The following COL21A1 variants were observed in gnomAD, a reference collection of about 807,000 sequenced individuals.
COL21A1 encodes the protein collagen alpha-1(XXI) chain.
A neutral mutation model predicts 137.9 loss-of-function variants in COL21A1; 149 were observed. That is an observed-to-expected ratio of 1.08 (90% CI 0.95 to 1.24). COL21A1 has a LOEUF of 1.24. COL21A1 is among the 50% of genes most tolerant of loss of function. The pLI is 0.00. For synonymous variants in COL21A1, 456 were observed against 391.5 expected (o/e 1.16, Z -1.95); for missense variants, 1,167 against 1,158.4 (o/e 1.01, Z -0.11).
chr6:56,233,296 A>G (rs1055857587), intron 1 of COL21A1, among the ~76,000 whole-genome samples: 7 of 151,928 alleles, frequency 4.6e-5, no homozygotes, highest in African/African-American at 1.7e-4. Context: ...TAGGCAACAA[A>G]TAAGAGTGAA....
At chr6:56,322,434 A>G (rs9475673) in intron 1 of COL21A1, among the ~76,000 whole-genome samples, 150,071 of 152,226 alleles carry the variant, frequency 0.99, 74,004 homozygotes, top group Middle Eastern at 1. Flanking sequence ...CACAACCAGG[A>G]GAATGCAGAA....
rs1199082804 is a variant in COL21A1, at chr6:56,301,472, C to T, written c.-39+92499G>A. On this transcript the variant is annotated intron_variant, in intron 1 of 28. Coordinates refer to the COL21A1 transcript ENST00000370819. ...CATATGACCTATTTCAGACTCTGAC[C>T]TACAGAAGATGATAAATTTCTGTTC... Among the ~76,000 whole-genome samples the T allele has an allele frequency of 4.6e-5, 7 of 152,148 alleles. No individual in the cohort carries two copies. In the South Asian group the frequency reaches 8.3e-4, roughly 18 times the overall value.
chr6:56,279,614 G>T (rs1046298626), intron 1 of COL21A1, among the ~76,000 whole-genome samples: 7 of 152,150 alleles, frequency 4.6e-5, no homozygotes, highest in African/African-American at 1.7e-4. Flanking sequence ...AAATACTTAA[G>T]GGTGACTCAG....
intron 1 of COL21A1, among the ~76,000 whole-genome samples, chr6:56,314,188 T>C (rs892564826): frequency 6.6e-6 from 1 of 152,170 alleles, no homozygotes; most frequent in Non-Finnish European, 1.5e-5. Context: ...TTTCACCATG[T>C]TGGTCAGGAT....
intron 1 of COL21A1, among the ~76,000 whole-genome samples, chr6:56,367,989 C>A (rs767730326): frequency 6.6e-6 from 1 of 152,190 alleles, no homozygotes; most frequent in East Asian, 1.9e-4. Context: ...GCTGGAGTAA[C>A]AGGAATGAGC....
At chr6:56,114,048 A>T (rs1226221454) in intron 16 of COL21A1, among the ~76,000 whole-genome samples, 1 of 152,228 alleles carries the variant, frequency 6.6e-6, no homozygotes, top group Non-Finnish European at 1.5e-5. Context: ...CTGCAACACA[A>T]CAGTATACCA....
chr6:56,346,208 A>G (rs1369719548), intron 1 of COL21A1, among the ~76,000 whole-genome samples: 10 of 152,314 alleles, frequency 6.6e-5, no homozygotes, highest in Admixed American at 6.5e-4. Flanking sequence ...TTCCTCAAGG[A>G]CCATTCACTC....
rs1393280436 is a variant in COL21A1 at position 56,124,439 on chromosome 6, C to T, written c.1651-147G>A. Reference sequence around the variant, plus strand: ...CAACTCATGTTGACTCTGCAAAGCACTATTTTACCAACCCAGTGGATGCAA... The same window carrying T: ...CAACTCATGTTGACTCTGCAAAGCATTATTTTACCAACCCAGTGGATGCAA... On this transcript the variant is annotated intron_variant, in intron 14 of 29. Coordinates refer to ENST00000244728, the MANE Select transcript of COL21A1 (RefSeq NM_030820.4). 9 of 706,464 alleles carry T rather than the reference C, an allele frequency of 1.3e-5. No individual in the cohort carries two copies. The East Asian group carries it at 1.6e-4, about 13-fold the overall frequency. 43.8% of individuals were successfully genotyped at this position (706,464 alleles called of 1,614,324 possible).
At chr6:56,222,299 C>T (rs1157919021) in intron 1 of COL21A1, among the ~76,000 whole-genome samples, 1 of 151,902 alleles carries the variant, frequency 6.6e-6, no homozygotes, top group African/African-American at 2.4e-5. Context: ...AAGTGTTTTC[C>T]TTTTATTTTA....
At chr6:56,172,628 AC>A (rs1439369553) in intron 3 of COL21A1, among the ~76,000 whole-genome samples, 1 of 152,166 alleles carries the variant, frequency 6.6e-6, no homozygotes, top group Non-Finnish European at 1.5e-5. Context: ...AGACAGACAC[AC>A]AATATTATAA....
rs184019252 is a variant in COL21A1, at chr6:56,172,556, A to G, written c.641-1428T>C. Among the ~76,000 whole-genome samples the G allele has an allele frequency of 1.6e-3, 251 of 152,316 alleles. 2 individuals are homozygous for G. The highest frequency in any genetic ancestry group is 0.011 in the Admixed American group (175 of 15,300). On this transcript the variant is annotated intron_variant, in intron 3 of 29. Coordinates refer to ENST00000244728, the MANE Select transcript of COL21A1 (RefSeq NM_030820.4). ...GAGTCCTTCAAGATCAAACAGAAGT[A>G]TACTAATCAGCAACATAAAAGCATA... is the stretch of plus-strand genomic sequence containing the variant.
chr6:56,162,752 T>C (rs1032712064), intron 9 of COL21A1, among the ~76,000 whole-genome samples: 4 of 152,228 alleles, frequency 2.6e-5, no homozygotes, highest in Non-Finnish European at 5.9e-5. Context: ...GGTGAATAAA[T>C]TATATGAACA....
intron 8 of COL21A1, 141 bp downstream of exon 8, chr6:56,164,673 T>C (rs2152267776): frequency 1.2e-6 from 1 of 849,566 alleles, no homozygotes; most frequent in African/African-American, 1.7e-5. Flanking sequence ...ATCACAAAAA[T>C]CTATAAATAT....
At chr6:56,094,646 A>C (rs917378216) in intron 17 of COL21A1, among the ~76,000 whole-genome samples, 1 of 152,214 alleles carries the variant, frequency 6.6e-6, no homozygotes, top group African/African-American at 2.4e-5. Context: ...CCAGCAGAGA[A>C]ACAGAACCAG....
chr6:56,314,187 G>T (rs1419683313), intron 1 of COL21A1, among the ~76,000 whole-genome samples: 1 of 152,146 alleles, frequency 6.6e-6, no homozygotes, highest in African/African-American at 2.4e-5. Context: ...GTTTCACCAT[G>T]TTGGTCAGGA....
intron 12 of COL21A1, among the ~76,000 whole-genome samples, chr6:56,129,542 C>A (rs938636043): frequency 6.6e-6 from 1 of 152,120 alleles, no homozygotes; most frequent in Non-Finnish European, 1.5e-5. Flanking sequence ...CTAACAAATA[C>A]AAAGAATAAC....
At chr6:56,241,177 T>C (rs1782295604) in intron 1 of COL21A1, among the ~76,000 whole-genome samples, 2 of 152,164 alleles carry the variant, frequency 1.3e-5, no homozygotes, top group African/African-American at 4.8e-5. Flanking sequence ...CGCAAGGCCT[T>C]TCGGAGGTAA....
chr6:56,135,320 G>A (rs549043363), intron 12 of COL21A1, among the ~76,000 whole-genome samples: 39 of 151,816 alleles, frequency 2.6e-4, no homozygotes, highest in African/African-American at 8.5e-4. Flanking sequence ...TGAGAAAACC[G>A]GCAAATTACA....
chr6:56,071,428 A>G (rs971869700), intron 20 of COL21A1, among the ~76,000 whole-genome samples: 11 of 151,570 alleles, frequency 7.3e-5, no homozygotes, highest in African/African-American at 4.8e-5. Flanking sequence ...AGATTGTCAA[A>G]TGTAGTTCTG....
Sources: gnomAD v4.1 joint callset for allele counts (sites outside exome capture counted in the v4.1 genomes callset) on GRCh38, gnomAD v4.1.1 for gene constraint, MANE v1.5 for transcripts, NCBI Gene and HGNC (gene_info 2026-07-23, HGNC 2026-07-21) for gene names.